The following SPOCK1 variants were observed in gnomAD, a reference collection of about 807,000 sequenced individuals.
The protein encoded by SPOCK1 is testican-1.
In SPOCK1, 23 loss-of-function variants were observed where a neutral mutation model predicts 55.3. The ratio of observed to expected loss-of-function variants is 0.42; its 90% CI spans 0.30 to 0.59. SPOCK1 has a LOEUF of 0.59. Among genes scored for constraint, SPOCK1 ranks in the 20% least tolerant of loss-of-function variants. The pLI is 0.22. For synonymous variants in SPOCK1, 226 were observed against 221.0 expected (o/e 1.02, Z -0.20); for missense variants, 499 against 552.5 (o/e 0.90, Z 0.97).
chr5:137,190,360 T>C (rs1162614032), intron 3 of SPOCK1, among the ~76,000 whole-genome samples: 1 of 152,172 alleles, frequency 6.6e-6, no homozygotes, highest in Non-Finnish European at 1.5e-5. Flanking sequence ...ACCACCAATC[T>C]GATCAGTCAG....
chr5:137,480,303 TCA>T (rs6149262), intron 2 of SPOCK1, among the ~76,000 whole-genome samples: 16,274 of 140,022 alleles, frequency 0.12, 1,527 homozygotes, highest in African/African-American at 0.27. Flanking sequence ...TTGCTCTCCT[TCA>T]CACACACACA....
At chr5:137,483,534 GAACAACAC>G (rs1753992518) in intron 2 of SPOCK1, among the ~76,000 whole-genome samples, 1 of 152,058 alleles carries the variant, frequency 6.6e-6, no homozygotes, top group South Asian at 2.1e-4. Context: ...TTTCTCAAAT[GAACAACAC>G]TCTTACCTTC....
At chr5:137,045,096 A>C (rs1752085168) in intron 6 of SPOCK1, among the ~76,000 whole-genome samples, 1 of 150,170 alleles carries the variant, frequency 6.7e-6, no homozygotes, top group Non-Finnish European at 1.5e-5. Flanking sequence ...TAATGCCGCA[A>C]TAAACATACG....
chr5:137,389,856 GA>G (rs1397856069), intron 2 of SPOCK1, among the ~76,000 whole-genome samples: 1 of 152,284 alleles, frequency 6.6e-6, no homozygotes, highest in Non-Finnish European at 1.5e-5. Flanking sequence ...ATTTTATGGG[GA>G]AAATCCTAGG....
intron 6 of SPOCK1, among the ~76,000 whole-genome samples, chr5:137,014,701 T>C (rs942012982): frequency 6.6e-6 from 1 of 152,182 alleles, no homozygotes; most frequent in African/African-American, 2.4e-5. Context: ...AATATGTACA[T>C]AGCTAAGACT....
At chr5:137,161,570 T>C (rs751682363) in intron 3 of SPOCK1, among the ~76,000 whole-genome samples, 1 of 152,198 alleles carries the variant, frequency 6.6e-6, no homozygotes, top group Non-Finnish European at 1.5e-5. Flanking sequence ...ATGCTTCCCC[T>C]GGTTTTTGTC....
chr5:137,007,224 G>C (rs1241776255), intron 6 of SPOCK1, among the ~76,000 whole-genome samples: 1 of 152,034 alleles, frequency 6.6e-6, no homozygotes, highest in African/African-American at 2.4e-5. Context: ...TCAGGACATA[G>C]GCATAGGCAA....
At chr5:137,472,482 T>C (rs1380979652) in intron 2 of SPOCK1, among the ~76,000 whole-genome samples, 4 of 151,528 alleles carry the variant, frequency 2.6e-5, no homozygotes, top group African/African-American at 7.3e-5. Flanking sequence ...CGGGAGAAAA[T>C]AGGCACTCAC....
intron 6 of SPOCK1, among the ~76,000 whole-genome samples, chr5:137,025,667 T>G (rs958500017): frequency 2.6e-5 from 4 of 152,080 alleles, no homozygotes; most frequent in African/African-American, 9.7e-5. Flanking sequence ...CAGAACCTGT[T>G]TCTAAAAGCA....
At chr5:137,364,373 G>A (rs1030133039) in intron 2 of SPOCK1, among the ~76,000 whole-genome samples, 2 of 152,172 alleles carry the variant, frequency 1.3e-5, no homozygotes, top group Non-Finnish European at 2.9e-5. Context: ...CAAATTACGA[G>A]TGATTTATCT....
intron 6 of SPOCK1, among the ~76,000 whole-genome samples, chr5:137,028,155 C>G (rs1245873064): frequency 2.6e-5 from 4 of 152,200 alleles, no homozygotes; most frequent in African/African-American, 7.2e-5. Context: ...GGTGAATCTC[C>G]TCTGTGGGAG....
chr5:137,343,419 T>C (rs1431756279), intron 2 of SPOCK1, among the ~76,000 whole-genome samples: 1 of 152,154 alleles, frequency 6.6e-6, no homozygotes, highest in African/African-American at 2.4e-5. Context: ...GCCCTGGAGA[T>C]GTCCAAGCTC....
intron 2 of SPOCK1, among the ~76,000 whole-genome samples, chr5:137,272,804 A>T (rs374989655): frequency 2.9e-5 from 4 of 138,076 alleles, no homozygotes; most frequent in Admixed American, 1.7e-4. Flanking sequence ...ACTCACCTGC[A>T]CATCCCCTAA....
chr5:137,395,238 T>A (rs1420058744), intron 2 of SPOCK1, among the ~76,000 whole-genome samples: 2 of 152,216 alleles, frequency 1.3e-5, no homozygotes, highest in Non-Finnish European at 2.9e-5. Flanking sequence ...AAAAAATTTC[T>A]GACGTGATCT....
At chr5:137,043,225 G>T (rs770156122) in intron 6 of SPOCK1, among the ~76,000 whole-genome samples, 3 of 152,006 alleles carry the variant, frequency 2.0e-5, no homozygotes, top group African/African-American at 7.3e-5. Context: ...TCTTAGTATT[G>T]GATTAATAGT....
At chr5:137,397,628 G>C (rs1423942843) in intron 2 of SPOCK1, among the ~76,000 whole-genome samples, 1 of 152,184 alleles carries the variant, frequency 6.6e-6, no homozygotes, top group Non-Finnish European at 1.5e-5. Flanking sequence ...CTCTGCTAAA[G>C]AACAGTGGTT....
At chr5:137,092,355 C>T (rs915907038) in intron 5 of SPOCK1, among the ~76,000 whole-genome samples, 4 of 152,150 alleles carry the variant, frequency 2.6e-5, no homozygotes, top group Admixed American at 2.0e-4. Context: ...AGGAAGCGAC[C>T]GAGGGGCTGA....
chr5:137,338,023 T>TA (rs1750322254), intron 2 of SPOCK1, among the ~76,000 whole-genome samples: 1 of 152,148 alleles, frequency 6.6e-6, no homozygotes, highest in African/African-American at 2.4e-5. Context: ...TGTATTATTT[T>TA]TTTATTATTA....
At chr5:137,369,562 T>C (rs894056288) in intron 2 of SPOCK1, among the ~76,000 whole-genome samples, 6 of 152,204 alleles carry the variant, frequency 3.9e-5, no homozygotes, top group Non-Finnish European at 7.4e-5. Flanking sequence ...GGAGCTTATA[T>C]AAGCTTCCCA....
Sources: gnomAD v4.1 joint callset for allele counts (sites outside exome capture counted in the v4.1 genomes callset) on GRCh38, gnomAD v4.1.1 for gene constraint, MANE v1.5 for transcripts, NCBI Gene and HGNC (gene_info 2026-07-23, HGNC 2026-07-21) for gene names.